The following RAI1 variants were observed in gnomAD, a reference collection of about 807,000 sequenced individuals.
The protein encoded by RAI1 is retinoic acid induced 1.
RAI1 carries 9 observed loss-of-function variants against 123.8 expected under a neutral mutation model. The ratio of observed to expected loss-of-function variants is 0.07; its 90% CI spans 0.04 to 0.13. The LOEUF is 0.13. Ranked by LOEUF, RAI1 falls within the 10% of genes least tolerant of loss-of-function variation. The pLI is 1.00. For missense variants in RAI1, 2,256 were observed against 2,545.8 expected, an observed-to-expected ratio of 0.89 and a Z score of 2.45; for synonymous variants, 1,231 against 1,127.3, an observed-to-expected ratio of 1.09 and a Z score of -1.84.
In RAI1 at chr17:17,796,263, T is replaced by C; in HGVS notation, c.3315T>C (p.Ala1105=). 1 of 1,589,822 alleles carries C rather than the reference T, an allele frequency of 6.3e-7. No homozygotes were observed. The highest frequency in any genetic ancestry group is 8.6e-7 in the Non-Finnish European group (1 of 1,166,288). ...GGGTGGGGAAGCCCTCACCCAAGGC[T>C]GCCTCCAGCCCCAGCAACCCGGCCG... ...GKRVGKPSPK[A]ASSPSNPAAL... Residue 1105 remains alanine, a synonymous_variant, in exon 3 of 6, where the codon GCT becomes GCC. Coordinates refer to ENST00000353383, the MANE Select transcript of RAI1 (RefSeq NM_030665.4). The surrounding 1 kb of genome is among the most constrained non-coding windows in gnomAD (Gnocchi z 5.8).
intron 2 of RAI1, among the ~76,000 whole-genome samples, chr17:17,753,456 G>C (rs551566019): frequency 6.6e-6 from 1 of 152,206 alleles, no homozygotes; most frequent in South Asian, 2.1e-4. Context: ...TCGGCTTCAC[G>C]GTTATACATG....
intron 2 of RAI1, among the ~76,000 whole-genome samples, chr17:17,752,001 T>G (rs2030194764): frequency 6.6e-6 from 1 of 152,176 alleles, no homozygotes; most frequent in Non-Finnish European, 1.5e-5. Flanking sequence ...GTGGTGGATC[T>G]CAAGCACCCG....
At chr17:17,702,476 G>A (rs1032426131) in intron 1 of RAI1, among the ~76,000 whole-genome samples, 3 of 152,242 alleles carry the variant, frequency 2.0e-5, no homozygotes, top group Admixed American at 2.0e-4. Context: ...TAATAGCAGT[G>A]GGGCCTGCTG....
At chr17:17,703,655 G>GT (rs1477442213) in intron 1 of RAI1, among the ~76,000 whole-genome samples, 3 of 152,158 alleles carry the variant, frequency 2.0e-5, no homozygotes, top group Non-Finnish European at 4.4e-5. Context: ...TTCTGTTTTA[G>GT]TTGCAACAGG....
chr17:17,697,432 G>A (rs1915076295), intron 1 of RAI1, among the ~76,000 whole-genome samples: 1 of 152,242 alleles, frequency 6.6e-6, no homozygotes, highest in South Asian at 2.1e-4. Context: ...AAAGATTAGG[G>A]AGGGACATTG....
Position 17,785,936 on chromosome 17 carries a change from C to A in RAI1, c.-16-6997C>A, listed in dbSNP as rs891351298. Among the ~76,000 whole-genome samples the A allele has an allele frequency of 3.3e-5, 5 of 152,222 alleles. 1 individual carries two copies. The highest frequency in any genetic ancestry group is 5.9e-5 in the Non-Finnish European group (4 of 68,038). On this transcript the variant is annotated intron_variant, in intron 2 of 5. Coordinates refer to ENST00000353383, the MANE Select transcript of RAI1 (RefSeq NM_030665.4). ...GGCCACAGACAGTGTCTCTTGAATT[C>A]TCAAGTATGAAAGAAAAAACTTTGT...
At chr17:17,745,970 G>GA (rs2029897236) in intron 2 of RAI1, among the ~76,000 whole-genome samples, 1 of 152,202 alleles carries the variant, frequency 6.6e-6, no homozygotes. Context: ...CGGGGACAGG[G>GA]ACTGGGTGCG....
intron 1 of RAI1, among the ~76,000 whole-genome samples, chr17:17,705,807 C>T (rs1166916944): frequency 2.0e-5 from 3 of 151,956 alleles, no homozygotes; most frequent in African/African-American, 4.8e-5. Context: ...GGGCAGATCA[C>T]GAGGTCAAGA....
In RAI1 at chr17:17,793,712, C is replaced by G. The variant is rs1374232155; in HGVS notation, c.764C>G (p.Ser255Cys). 1.9e-6 allele frequency: 3 copies of G among 1,612,934 alleles called. No homozygotes were observed. In the African/African-American group the frequency reaches 4.0e-5, roughly 22 times the overall value. Residue 255 changes from serine to cysteine, a missense_variant, in exon 3 of 6, where the codon TCC (serine) becomes TGC (cysteine). Coordinates refer to ENST00000353383, the MANE Select transcript of RAI1 (RefSeq NM_030665.4). ...QPHDRPLTAS[S>C]SLAPGQRVQN... ...CATGACAGGCCGCTGACTGCCAGCTCCAGCCTGGCCCCGGGGCAGCGGGTC... is the reference window on the plus strand; with the variant it reads ...CATGACAGGCCGCTGACTGCCAGCTGCAGCCTGGCCCCGGGGCAGCGGGTC...
In RAI1 at chr17:17,783,477, T is replaced by A. The variant is rs1173119067; in HGVS notation, c.-16-9456T>A. On this transcript the variant is annotated intron_variant, in intron 2 of 5. Coordinates refer to ENST00000353383, the MANE Select transcript of RAI1 (RefSeq NM_030665.4). ...CCTGCCCCTGAGGGAGTCCTGCGGA[T>A]TTTCTCCGGCAGCAGCAGGCGCTCT... Among the ~76,000 whole-genome samples the A allele has an allele frequency of 1.6e-4, 25 of 151,856 alleles. No homozygotes were observed. In the South Asian group the frequency reaches 4.2e-3, roughly 25 times the overall value.
intron 2 of RAI1, among the ~76,000 whole-genome samples, chr17:17,757,145 G>A (rs1022256991): frequency 6.6e-6 from 1 of 152,160 alleles, no homozygotes; most frequent in Non-Finnish European, 1.5e-5. Flanking sequence ...GGCTCCCTGA[G>A]GCAGGGAGAC....
At chr17:17,726,209 G>A (rs62064085) in intron 2 of RAI1, among the ~76,000 whole-genome samples, 15,998 of 152,122 alleles carry the variant, frequency 0.11, 1,020 homozygotes, top group East Asian at 0.31. Context: ...AAGGGAAGTC[G>A]CCATGGGTCT....
chr17:17,765,815 T>TA (rs1490997532), intron 2 of RAI1: 1 of 152,238 alleles, frequency 6.6e-6, no homozygotes, highest in Non-Finnish European at 1.5e-5. Flanking sequence ...TGGTAAGACT[T>TA]ACCCTGTTAC....
intron 1 of RAI1, among the ~76,000 whole-genome samples, chr17:17,721,736 C>G (rs556759590): frequency 2.0e-5 from 3 of 152,308 alleles, no homozygotes; most frequent in Non-Finnish European, 4.4e-5. Context: ...ACTCAGCAGC[C>G]TCAGGACTGA....
chr17:17,724,953 G>A (rs1027074643), intron 2 of RAI1, among the ~76,000 whole-genome samples: 2 of 152,114 alleles, frequency 1.3e-5, no homozygotes, highest in Non-Finnish European at 2.9e-5. Flanking sequence ...AGTCTCACGC[G>A]CGGTCGAGTG....
chr17:17,718,749 CTG>C, intron 1 of RAI1, among the ~76,000 whole-genome samples: 1 of 152,246 alleles, frequency 6.6e-6, no homozygotes, highest in East Asian at 1.9e-4. Flanking sequence ...GGGAAGGTGA[CTG>C]GGGTAGATGA....
chr17:17,796,356 G>T lies in RAI1; in HGVS notation c.3408G>T (p.Thr1136=), dbSNP rs779995817. The T allele has an allele frequency of 3.1e-6, 5 of 1,613,520 alleles. No individual in the cohort carries two copies. The highest frequency in any genetic ancestry group is 2.2e-5 in the East Asian group (1 of 44,868). Residue 1136 remains threonine (T), a synonymous_variant, in exon 3 of 6, where the codon ACG becomes ACT. Transcript: ENST00000353383. The surrounding 1 kb of genome is among the most constrained non-coding windows in gnomAD (Gnocchi z 5.8). Reference sequence around the variant, plus strand: ...CCAAGGAGACAGACTCACCCAGCACGCCTGGCAAGGACCAGCGCTCCATGA... The same window carrying T: ...CCAAGGAGACAGACTCACCCAGCACTCCTGGCAAGGACCAGCGCTCCATGA... ...SKTKETDSPS[T]PGKDQRSMIL... is the part of the protein sequence containing the mutation.
intron 2 of RAI1, among the ~76,000 whole-genome samples, chr17:17,755,917 C>T (rs1324020860): frequency 6.6e-6 from 1 of 152,262 alleles, no homozygotes; most frequent in Non-Finnish European, 1.5e-5. Context: ...AACCCTCTCC[C>T]TTTAGTGATA....
At position 17,800,180 on chromosome 17, in the gene RAI1, G is replaced by GTGTCTCTCTCTCTCTC. The variant is rs1407505001; in HGVS notation, c.5565+1668_5565+1669insGTCTCTCTCTCTCTCT. ...TCTCTCCTGCTTTCTGTCTCTCTCT[G>GTGTCTCTCTCTCTCTC]TCTCTCTCTCTCTCTCTCTCTCTCT... is the stretch of plus-strand genomic sequence containing the variant. On this transcript the variant is annotated intron_variant, in intron 3 of 5. Transcript: ENST00000353383. This position sits in a 1 kb window ranked among gnomAD's most constrained non-coding sequence, Gnocchi z 4.7. 9.9e-4 allele frequency among the ~76,000 whole-genome samples: 115 copies of GTGTCTCTCTCTCTCTC among 116,394 alleles called. 2 individuals are homozygous for GTGTCTCTCTCTCTCTC. The highest frequency in any genetic ancestry group is 3.2e-3 in the African/African-American group (106 of 33,444). 76.4% of individuals were successfully genotyped at this position (116,394 alleles called of 152,430 possible).
Sources: allele counts gnomAD v4.1 joint callset (sites outside exome capture counted in the v4.1 genomes callset), GRCh38; gene constraint gnomAD v4.1.1; non-coding constraint Gnocchi (gnomAD v3.1); transcripts MANE v1.5; gene names NCBI Gene and HGNC (gene_info 2026-07-23, HGNC 2026-07-21).